The following SUSD1 variants were observed in gnomAD, a reference collection of about 807,000 sequenced individuals.
SUSD1 encodes the protein sushi domain containing 1.
A neutral mutation model predicts 86.9 loss-of-function variants in SUSD1; 65 were observed. The observed-to-expected ratio is 0.75, with a 90% CI of 0.61 to 0.92. The LOEUF is 0.92. SUSD1 is among the 40% of genes least tolerant of loss of function. The pLI, the probability that SUSD1 is intolerant of heterozygous loss-of-function variation, is 0.00. For missense variants in SUSD1, 850 were observed against 929.7 expected, an observed-to-expected ratio of 0.91 and a Z score of 1.11; for synonymous variants, 346 against 350.0, an observed-to-expected ratio of 0.99 and a Z score of 0.13.
At chr9:112,126,947 G>C (rs1299126117) in intron 5 of SUSD1, among the ~76,000 whole-genome samples, 1 of 152,138 alleles carries the variant, frequency 6.6e-6, no homozygotes, top group African/African-American at 2.4e-5. Flanking sequence ...ATGTTAAGGG[G>C]TATTTTCCCC....
At chr9:112,068,032 C>T (rs966217744) in intron 12 of SUSD1, among the ~76,000 whole-genome samples, 2 of 152,090 alleles carry the variant, frequency 1.3e-5, no homozygotes, top group Non-Finnish European at 2.9e-5. Context: ...CAACAAACAC[C>T]CATTAGCCAC....
chr9:112,099,793 A>G (rs975950032), intron 9 of SUSD1, among the ~76,000 whole-genome samples: 11 of 152,154 alleles, frequency 7.2e-5, no homozygotes, highest in Admixed American at 4.6e-4. Flanking sequence ...TCTCTTATCA[A>G]TTTTGACAGT....
chr9:112,064,046 T>TGGGG (rs58850509), intron 12 of SUSD1, among the ~76,000 whole-genome samples: 71 of 77,378 alleles, frequency 9.2e-4, no homozygotes, highest in South Asian at 2.4e-3. Flanking sequence ...TTTCTTTTTT[T>TGGGG]GGGGGGGGGG....
chr9:112,142,592 CA>C lies in SUSD1; in HGVS notation c.527-94del, dbSNP rs1182688595. 24 of 1,157,350 alleles carry C rather than the reference CA, an allele frequency of 2.1e-5. No homozygotes were observed. In the Admixed American group the frequency reaches 6.3e-4, roughly 30 times the overall value. The allele number at this position is 1,157,350 out of a possible 1,614,324, so 71.7% of individuals were successfully genotyped here. The stretch of plus-strand genomic sequence containing the variant: ...CCACCTCTACCCTATTCCTCACACA[CA>C]CACACCCCCGAGCCATATTTTAAGT... On this transcript the variant is annotated intron_variant, in intron 4 of 16. Transcript: ENST00000374270.
At chr9:112,088,069 G>A (rs1232063182) in intron 10 of SUSD1, among the ~76,000 whole-genome samples, 1 of 152,224 alleles carries the variant, frequency 6.6e-6, no homozygotes, top group Non-Finnish European at 1.5e-5. Flanking sequence ...GAAAAGAACT[G>A]AATCTTTTTA....
At chr9:112,127,083 G>A (rs1339376184) in intron 5 of SUSD1, among the ~76,000 whole-genome samples, 3 of 152,114 alleles carry the variant, frequency 2.0e-5, no homozygotes, top group Non-Finnish European at 4.4e-5. Context: ...ACAGCTTCTC[G>A]AAAGTTGGCC....
At position 112,175,095 on chromosome 9, in the gene SUSD1, C is replaced by T. The variant is rs1834219172; in HGVS notation, c.103+38G>A. ...GAGTCCTCGAGGCCCAGCCGGGGGC[C>T]CCGCCGGCCGCCCGTGCCCGTCCCA... On this transcript the variant is annotated intron_variant, in intron 1 of 16. Transcript: ENST00000374270. The surrounding 1 kb of genome is among the most constrained non-coding windows in gnomAD (Gnocchi z 4.7). The T allele has an allele frequency of 9.9e-7, 1 of 1,006,142 alleles. No homozygotes were observed. Among genetic ancestry groups the T allele is most frequent in the Non-Finnish European group, 1.2e-6 (1 of 844,962 alleles). 62.3% of individuals were successfully genotyped at this position (1,006,142 alleles called of 1,614,324 possible).
chr9:112,078,626 G>C lies in SUSD1; in HGVS notation c.1665C>G (p.Asp555Glu). Residue 555 changes from aspartate to glutamate, a missense_variant, in exon 12 of 17, where the codon GAC (aspartate) becomes GAG (glutamate). Coordinates refer to ENST00000374270, the MANE Select transcript of SUSD1 (RefSeq NM_022486.5). ...SSSRDPEVCL[D>E]LRPGTNYNVS... ...CATTGTAGTTGGTACCCGGACGTAGGTCCAAGCACACCTCGGGATCTCGGC... is the reference window on the plus strand; with the variant it reads ...CATTGTAGTTGGTACCCGGACGTAGCTCCAAGCACACCTCGGGATCTCGGC... 6.2e-7 allele frequency: 1 copy of C among 1,614,026 alleles called. No individual in the cohort carries two copies. Among genetic ancestry groups the C allele is most frequent in the Non-Finnish European group, 8.5e-7 (1 of 1,179,994 alleles).
chr9:112,148,275 T>C (rs556965273), intron 3 of SUSD1, among the ~76,000 whole-genome samples: 18 of 152,276 alleles, frequency 1.2e-4, no homozygotes, highest in African/African-American at 3.8e-4. Flanking sequence ...AAATAGCGTA[T>C]GCTGTTTATA....
intron 10 of SUSD1, among the ~76,000 whole-genome samples, chr9:112,085,729 C>T (rs552507752): frequency 1.3e-4 from 20 of 152,236 alleles, no homozygotes; most frequent in African/African-American, 4.3e-4. Context: ...AACAAAGACA[C>T]GGAGGTGGAA....
At chr9:112,075,536 G>C (rs373498764) in intron 12 of SUSD1, among the ~76,000 whole-genome samples, 1 of 152,218 alleles carries the variant, frequency 6.6e-6, no homozygotes, top group Non-Finnish European at 1.5e-5. Flanking sequence ...GACCAGCCTA[G>C]GCAACATAGG....
chr9:112,110,734 CTTT>C, intron 8 of SUSD1, among the ~76,000 whole-genome samples: 1 of 145,672 alleles, frequency 6.9e-6, no homozygotes, highest in Admixed American at 6.9e-5. Flanking sequence ...ATAACCAGAG[CTTT>C]TTTTTTTTAA....
In SUSD1 at chr9:112,169,915, T is replaced by C. The variant is rs1471278655; in HGVS notation, c.103+5218A>G. 3.3e-5 allele frequency among the ~76,000 whole-genome samples: 5 copies of C among 152,146 alleles called. No homozygotes were observed. In the East Asian group the frequency reaches 9.7e-4, roughly 29 times the overall value. On this transcript the variant is annotated intron_variant, in intron 1 of 16. Coordinates refer to ENST00000374270, the MANE Select transcript of SUSD1 (RefSeq NM_022486.5). ...GTCTCGAACTCCTGACCTCAGGTGATCCATCCACCCCAATCTCCCAAAGTG... is the reference window on the plus strand; with the variant it reads ...GTCTCGAACTCCTGACCTCAGGTGACCCATCCACCCCAATCTCCCAAAGTG...
chr9:112,142,661 A>G (rs930083130), intron 4 of SUSD1, 162 bp from the exon 5 acceptor site: 1 of 635,316 alleles, frequency 1.6e-6, no homozygotes, highest in Non-Finnish European at 2.6e-6. Flanking sequence ...CATTTCCAAC[A>G]ATTGTCTTTA....
At chr9:112,087,686 T>C (rs925309100) in intron 10 of SUSD1, among the ~76,000 whole-genome samples, 1 of 151,420 alleles carries the variant, frequency 6.6e-6, no homozygotes, top group Non-Finnish European at 1.5e-5. Context: ...AAAAATGAGA[T>C]CAAAAAGAAG....
chr9:112,161,043 A>G (rs1833544256), intron 1 of SUSD1, among the ~76,000 whole-genome samples: 1 of 152,166 alleles, frequency 6.6e-6, no homozygotes, highest in Admixed American at 6.5e-5. Flanking sequence ...TTTTAGCACA[A>G]AACATTTTAA....
At chr9:112,094,886 A>G (rs1367624889) in intron 10 of SUSD1, among the ~76,000 whole-genome samples, 1 of 152,250 alleles carries the variant, frequency 6.6e-6, no homozygotes, top group Non-Finnish European at 1.5e-5. Flanking sequence ...TGATCAGTGT[A>G]GAATTCTTCA....
chr9:112,148,485 G>A (rs7865783), intron 3 of SUSD1, among the ~76,000 whole-genome samples: 32,645 of 151,870 alleles, frequency 0.21, 3,837 homozygotes, highest in African/African-American at 0.29. Context: ...CCAACAGCCG[G>A]GTGCCAGCCC....
chr9:112,057,030 C>A (rs1225144859), intron 14 of SUSD1, among the ~76,000 whole-genome samples: 1 of 152,166 alleles, frequency 6.6e-6, no homozygotes, highest in Non-Finnish European at 1.5e-5. Flanking sequence ...GAGGCAGGAT[C>A]TTTGGGAGAG....
Sources: gnomAD v4.1 joint callset for allele counts (sites outside exome capture counted in the v4.1 genomes callset) on GRCh38, gnomAD v4.1.1 for gene constraint, Gnocchi (gnomAD v3.1) non-coding constraint, MANE v1.5 for transcripts, NCBI Gene and HGNC (gene_info 2026-07-23, HGNC 2026-07-21) for gene names.